INPP5F: variants seen among roughly 807,000 people sequenced by gnomAD.
INPP5F encodes the protein inositol polyphosphate-5-phosphatase F.
Under a neutral mutation model 137.2 loss-of-function variants are expected in INPP5F, and 97 were observed. The ratio of observed to expected loss-of-function variants is 0.71; its 90% confidence interval spans 0.60 to 0.84. The LOEUF (loss-of-function observed/expected upper bound fraction) is 0.84, where lower values mean the gene tolerates loss of function less well. INPP5F is among the 40% of genes least tolerant of loss of function. The pLI is 0.00. For missense variants in INPP5F, 1,271 were observed against 1,371.9 expected, an observed-to-expected ratio of 0.93 and a Z score of 1.16; for synonymous variants, 504 against 476.9, an observed-to-expected ratio of 1.06 and a Z score of -0.74.
At chr10:119,746,157 G>A (rs1168092608) in intron 1 of INPP5F, among the ~76,000 whole-genome samples, 3 of 152,084 alleles carry the variant, frequency 2.0e-5, no homozygotes. Context: ...ACAGTGTCTG[G>A]TTCCTGGCAA....
At chr10:119,757,070 T>C (rs1848870946) in intron 2 of INPP5F, among the ~76,000 whole-genome samples, 1 of 151,560 alleles carries the variant, frequency 6.6e-6, no homozygotes, top group Non-Finnish European at 1.5e-5. Context: ...TTCTTTACTT[T>C]ATTTATTTAT....
intron 1 of INPP5F, among the ~76,000 whole-genome samples, chr10:119,742,147 T>TTTTATTTA (rs1564802589): frequency 2.7e-5 from 1 of 36,730 alleles, no homozygotes; most frequent in Non-Finnish European, 5.6e-5. Context: ...TTATTTGTTA[T>TTTTATTTA]TTTACTTATT....
intron 1 of INPP5F, among the ~76,000 whole-genome samples, chr10:119,745,312 TTTTTTTG>T (rs1261986851): frequency 2.6e-5 from 4 of 151,998 alleles, no homozygotes; most frequent in African/African-American, 7.2e-5. Context: ...GCTCTTTTTC[TTTTTTTG>T]TTTTTTGTTT....
chr10:119,783,781 T>C (rs1044540549), intron 3 of INPP5F, among the ~76,000 whole-genome samples: 1 of 152,184 alleles, frequency 6.6e-6, no homozygotes, highest in African/African-American at 2.4e-5. Flanking sequence ...ATTTCCTCCA[T>C]TGACATAATT....
chr10:119,808,203 C>G lies in INPP5F; in HGVS notation c.1569+143C>G, dbSNP rs529498088. On this transcript the variant is annotated intron_variant, in intron 13 of 19. Transcript: ENST00000650623. ...TCTGAAATGGTTGGCTAAGGCAGGG[C>G]CAGGTAATGTGACTCAAGCAGGCCA... 596 of 959,502 alleles carry G rather than the reference C, an allele frequency of 6.2e-4. 6 individuals carry two copies. The South Asian group carries it at 0.01, about 16-fold the overall frequency. 59.4% of individuals were successfully genotyped at this position (959,502 alleles called of 1,614,324 possible).
chr10:119,787,833 G>A lies in INPP5F; in HGVS notation c.316-3684G>A, dbSNP rs1020132416. On this transcript the variant is annotated intron_variant, in intron 3 of 19. Transcript: ENST00000650623. This position sits in a 1 kb window ranked among gnomAD's most constrained non-coding sequence, Gnocchi z 4.1. ...GGACTAACAGGGCTTCATGGGAGAT[G>A]GGATCCTGGGGCCATGCTTAGCACT... 5.3e-5 allele frequency among the ~76,000 whole-genome samples: 8 copies of A among 152,124 alleles called. No individual in the cohort carries two copies. The highest frequency in any genetic ancestry group is 1.2e-4 in the Non-Finnish European group (8 of 68,020).
At chr10:119,800,534 C>T (rs1407558179) in intron 9 of INPP5F, among the ~76,000 whole-genome samples, 1 of 145,344 alleles carries the variant, frequency 6.9e-6, no homozygotes, top group African/African-American at 2.5e-5. Context: ...CACTCCTGGA[C>T]GACAGAGTGA....
intron 2 of INPP5F, among the ~76,000 whole-genome samples, chr10:119,776,455 A>G (rs974154693): frequency 1.3e-5 from 2 of 152,164 alleles, no homozygotes; most frequent in Non-Finnish European, 2.9e-5. Flanking sequence ...GTGAGTTTGT[A>G]TATGAGATAA....
At chr10:119,766,231 C>T (rs1389267924) in intron 2 of INPP5F, among the ~76,000 whole-genome samples, 2 of 152,124 alleles carry the variant, frequency 1.3e-5, no homozygotes, top group Non-Finnish European at 1.5e-5. Flanking sequence ...TGATGCCCAC[C>T]TGTATTGGTG....
chr10:119,808,248 AG>A (rs1414613957), intron 13 of INPP5F, among the ~76,000 whole-genome samples, 188 bp downstream of exon 13: 1 of 152,156 alleles, frequency 6.6e-6, no homozygotes, highest in African/African-American at 2.4e-5. Flanking sequence ...TCAGAGGGAG[AG>A]GGGGCTGTGT....
intron 1 of INPP5F, 75 bp downstream of exon 1, chr10:119,726,434 G>C: frequency 1.1e-6 from 1 of 892,610 alleles, no homozygotes; most frequent in Non-Finnish European, 1.4e-6. Flanking sequence ...GGACCCCTCA[G>C]CCGGGCGGGA....
At chr10:119,738,624 T>C (rs1848283373) in intron 1 of INPP5F, among the ~76,000 whole-genome samples, 1 of 145,108 alleles carries the variant, frequency 6.9e-6, no homozygotes, top group Non-Finnish European at 1.5e-5. Context: ...TTTATTTCTT[T>C]AGTGAAGAGC....
intron 15 of INPP5F, among the ~76,000 whole-genome samples, chr10:119,818,226 C>G (rs1851368094): frequency 1.3e-5 from 2 of 152,252 alleles, no homozygotes; most frequent in African/African-American, 4.8e-5. Context: ...AAACCCCCGA[C>G]TCTATCGACA....
chr10:119,730,311 T>C (rs753609645), intron 1 of INPP5F, among the ~76,000 whole-genome samples: 2 of 152,158 alleles, frequency 1.3e-5, no homozygotes, highest in Non-Finnish European at 2.9e-5. Context: ...GGTTTTGCCA[T>C]GTTGGCCAGG....
Position 119,827,432 on chromosome 10 carries a change from T to C in INPP5F, c.3051T>C (p.Ser1017=), listed in dbSNP as rs960496049. The C allele has an allele frequency of 3.1e-6, 5 of 1,614,040 alleles. No homozygotes were observed. Among genetic ancestry groups the C allele is most frequent in the Middle Eastern group, 1.6e-4 (1 of 6,084 alleles). The change falls in exon 20 of 20, where the codon TCT becomes TCC. Residue 1017 remains serine, a synonymous_variant. Coordinates refer to ENST00000650623, the MANE Select transcript of INPP5F (RefSeq NM_014937.4). ...CTCGGCCATCGCAATTAGATGTCTC[T>C]CTTTCTGCAACAGGCCCACAGTTTT... ...TPSRPSQLDV[S]LSATGPQFLS...
chr10:119,736,936 G>A (rs904725932), intron 1 of INPP5F, among the ~76,000 whole-genome samples: 2 of 152,122 alleles, frequency 1.3e-5, no homozygotes, highest in Non-Finnish European at 2.9e-5. Context: ...TGATCCTCCC[G>A]CCTCAGCCTC....
At chr10:119,803,502 C>T (rs1465739487) in intron 9 of INPP5F, among the ~76,000 whole-genome samples, 1 of 152,196 alleles carries the variant, frequency 6.6e-6, no homozygotes, top group Non-Finnish European at 1.5e-5. Context: ...TTAGCTATTT[C>T]TACGCTAGTA....
intron 3 of INPP5F, among the ~76,000 whole-genome samples, chr10:119,790,668 T>A (rs1350698608): frequency 1.3e-5 from 2 of 152,234 alleles, no homozygotes; most frequent in Non-Finnish European, 2.9e-5. Flanking sequence ...TTATTAAGAG[T>A]CTCCTACTTA....
At chr10:119,825,566 C>A (rs1370547970) in intron 19 of INPP5F, among the ~76,000 whole-genome samples, 5 of 152,104 alleles carry the variant, frequency 3.3e-5, no homozygotes, top group African/African-American at 1.2e-4. Flanking sequence ...CACGTGGCCA[C>A]AAGTGATACA....
Sources: allele counts gnomAD v4.1 joint callset (sites outside exome capture counted in the v4.1 genomes callset), GRCh38; gene constraint gnomAD v4.1.1; non-coding constraint Gnocchi (gnomAD v3.1); transcripts MANE v1.5; gene names NCBI Gene and HGNC (gene_info 2026-07-23, HGNC 2026-07-21).